Variants in PCDH15 observed in about 807,000 individuals in gnomAD.
The protein encoded by PCDH15 is protocadherin-15.
A neutral mutation model predicts 178.5 loss-of-function variants in PCDH15; 129 were observed. That is an observed-to-expected ratio of 0.72 (90% confidence interval 0.63 to 0.84). The LOEUF is 0.84. PCDH15 is among the 40% of genes least tolerant of loss of function. The pLI, the probability that PCDH15 is intolerant of heterozygous loss-of-function variation, is 0.00. For missense variants in PCDH15, 2,230 were observed against 2,099.9 expected, an observed-to-expected ratio of 1.06 and a Z score of -1.21; for synonymous variants, 800 against 732.0, an observed-to-expected ratio of 1.09 and a Z score of -1.50.
intron 2 of PCDH15, among the ~76,000 whole-genome samples, chr10:54,570,074 T>C: frequency 6.6e-6 from 1 of 151,506 alleles, no homozygotes; most frequent in Non-Finnish European, 1.5e-5. Flanking sequence ...GTGTGTGTGT[T>C]TGTGTGAATG....
chr10:53,834,048 G>A (rs976998708), intron 29 of PCDH15, among the ~76,000 whole-genome samples: 6 of 152,056 alleles, frequency 3.9e-5, no homozygotes, highest in Non-Finnish European at 8.8e-5. Context: ...TGCAAATGTG[G>A]TTTCTCTCTG....
chr10:53,938,841 A>G lies in PCDH15; in HGVS notation c.3347T>C (p.Leu1116Pro). Residue 1116 changes from leucine to proline, a missense_variant, in exon 25 of 38, where the codon CTT becomes CCT. Physicochemically the swap from Leu to Pro is moderately conservative, Grantham distance 98 (BLOSUM62 -3). Transcript: ENST00000644397. ...TTTTGAAGGAACTCGGAGATTGGCA[A>G]GGACCACTTCCAGGGAATCAGCTTG... Reference protein sequence around the residue: ...RVQADSLEVVLANLRVPSKSN... With the variant: ...RVQADSLEVVPANLRVPSKSN... The G allele has an allele frequency of 6.2e-6, 10 of 1,613,542 alleles. No individual in the cohort carries two copies. The highest frequency in any genetic ancestry group is 8.5e-6 in the Non-Finnish European group (10 of 1,179,626).
At chr10:55,378,301 G>T (rs1310571127) in intron 2 of PCDH15, among the ~76,000 whole-genome samples, 1 of 152,024 alleles carries the variant, frequency 6.6e-6, no homozygotes. Flanking sequence ...AACATAGGTG[G>T]ATATGGGACA....
intron 2 of PCDH15, among the ~76,000 whole-genome samples, chr10:55,499,721 A>C (rs1445064261): frequency 1.3e-5 from 2 of 151,748 alleles, no homozygotes; most frequent in South Asian, 2.1e-4. Flanking sequence ...TTCAATTTGC[A>C]ATGTTTTAAA....
At chr10:55,354,372 A>G (rs1845019765) in intron 2 of PCDH15, among the ~76,000 whole-genome samples, 1 of 152,112 alleles carries the variant, frequency 6.6e-6, no homozygotes, top group African/African-American at 2.4e-5. Flanking sequence ...TAAATAGGGC[A>G]CAATCGGACT....
intron 3 of PCDH15, among the ~76,000 whole-genome samples, chr10:54,826,657 G>C (rs578113831): frequency 6.6e-6 from 1 of 151,722 alleles, no homozygotes; most frequent in Non-Finnish European, 1.5e-5. Context: ...GGTAAACAGT[G>C]GGTCATAATT....
At chr10:55,247,538 A>G (rs1841709114) in intron 1 of PCDH15, among the ~76,000 whole-genome samples, 1 of 152,130 alleles carries the variant, frequency 6.6e-6, no homozygotes, top group African/African-American at 2.4e-5. Flanking sequence ...AAGCAGTGCA[A>G]CTTTGCATTT....
chr10:55,178,579 C>T (rs1233912577), intron 1 of PCDH15, among the ~76,000 whole-genome samples: 1 of 152,112 alleles, frequency 6.6e-6, no homozygotes, highest in Non-Finnish European at 1.5e-5. Flanking sequence ...CTTTCTACTT[C>T]TTCAGCAGTG....
intron 29 of PCDH15, among the ~76,000 whole-genome samples, chr10:53,836,456 A>G (rs1275979025): frequency 6.6e-6 from 1 of 152,146 alleles, no homozygotes; most frequent in African/African-American, 2.4e-5. Context: ...TGGCACAAGC[A>G]TATAGAGAGC....
chr10:54,303,255 A>AT (rs768535540), intron 8 of PCDH15, among the ~76,000 whole-genome samples: 23 of 151,194 alleles, frequency 1.5e-4, no homozygotes, highest in South Asian at 4.2e-4. Flanking sequence ...CTCTGTATGC[A>AT]TTTTTTTTTC....
chr10:54,798,395 C>T (rs1011777004), intron 1 of PCDH15, among the ~76,000 whole-genome samples: 1 of 151,992 alleles, frequency 6.6e-6, no homozygotes, highest in African/African-American at 2.4e-5. Flanking sequence ...ATATATCAAA[C>T]CTCAAACAAA....
At chr10:55,209,559 A>G (rs1840503761) in intron 1 of PCDH15, among the ~76,000 whole-genome samples, 1 of 152,052 alleles carries the variant, frequency 6.6e-6, no homozygotes, top group African/African-American at 2.4e-5. Context: ...AAAAACTGTC[A>G]TAACTTAGTA....
intron 1 of PCDH15, among the ~76,000 whole-genome samples, chr10:54,755,479 AT>A (rs1185037143): frequency 1.3e-5 from 2 of 152,154 alleles, no homozygotes; most frequent in Non-Finnish European, 2.9e-5. Context: ...CTAGAATTAT[AT>A]TTCTTAGTCA....
rs926627503 is a variant in PCDH15, at chr10:53,823,537, G to GA, written c.4368-3308dup. On this transcript the variant is annotated intron_variant, in intron 32 of 37. Transcript: ENST00000644397. ...TCCCTGCTCTTAGAAAGGCAGGGCA[G>GA]AAAAATCTTAGAGTTGTGAGAAGAA... The GA allele has an allele frequency of 2.7e-5, 20 of 746,074 alleles. No homozygotes were observed. In the African/African-American group the frequency reaches 2.8e-4, roughly 10 times the overall value. The allele number at this position is 746,074 out of a possible 1,614,324, so 46.2% of individuals were successfully genotyped here.
chr10:54,922,261 A>T lies in PCDH15; in HGVS notation c.-79-24761T>A, dbSNP rs528732289. On this transcript the variant is annotated intron_variant, in intron 2 of 5. Transcript: ENST00000458638. ...CAAGCCCAAAATCTGATCAGAGGCAAGGCAAATCCCTTCCACTTATGGGCC... is the reference window on the plus strand; with the variant it reads ...CAAGCCCAAAATCTGATCAGAGGCATGGCAAATCCCTTCCACTTATGGGCC... Among the ~76,000 whole-genome samples, 4 of 152,226 alleles carry T rather than the reference A, an allele frequency of 2.6e-5. No homozygotes were observed. In the South Asian group the frequency reaches 8.3e-4, roughly 32 times the overall value.
chr10:54,357,112 G>A (rs1945141317), intron 5 of PCDH15, among the ~76,000 whole-genome samples: 1 of 152,142 alleles, frequency 6.6e-6, no homozygotes, highest in South Asian at 2.1e-4. Flanking sequence ...AGACAGGGAT[G>A]CCCTCTCTCA....
intron 14 of PCDH15, among the ~76,000 whole-genome samples, chr10:54,137,792 T>G (rs555535751): frequency 1.8e-4 from 28 of 152,332 alleles, no homozygotes; most frequent in African/African-American, 6.5e-4. Context: ...GTTCAGTGAT[T>G]GGCTTTTTGT....
At chr10:55,435,147 G>C (rs558230163) in intron 2 of PCDH15, among the ~76,000 whole-genome samples, 6 of 151,994 alleles carry the variant, frequency 3.9e-5, no homozygotes, top group Non-Finnish European at 7.4e-5. Context: ...AGTAAGTAAA[G>C]AATAATGCTT....
At chr10:54,888,812 T>C (rs1954408210) in intron 3 of PCDH15, among the ~76,000 whole-genome samples, 2 of 150,484 alleles carry the variant, frequency 1.3e-5, no homozygotes, top group Admixed American at 6.6e-5. Context: ...TTAAGTGGGC[T>C]ATTTTATTAC....
Sources: gnomAD v4.1 joint callset for allele counts (sites outside exome capture counted in the v4.1 genomes callset) on GRCh38, gnomAD v4.1.1 for gene constraint, MANE v1.5 for transcripts, NCBI Gene and HGNC (gene_info 2026-07-23, HGNC 2026-07-21) for gene names.